Variants in UBASH3B observed in about 807,000 individuals in gnomAD.
UBASH3B encodes the protein ubiquitin-associated and SH3 domain-containing protein B.
In UBASH3B, 37 loss-of-function variants were observed where a neutral mutation model predicts 83.4. The ratio of observed to expected loss-of-function variants is 0.44; its 90% CI spans 0.34 to 0.58. The LOEUF (loss-of-function observed/expected upper bound fraction) is 0.58. Among genes scored for constraint, UBASH3B ranks in the 20% least tolerant of loss-of-function variants. The pLI is 0.01. For missense variants in UBASH3B, 657 were observed against 827.2 expected (o/e 0.79, Z 2.52); for synonymous variants, 304 against 318.3 (o/e 0.96, Z 0.48).
intron 1 of UBASH3B, among the ~76,000 whole-genome samples, chr11:122,770,935 T>G (rs1860631125): frequency 6.6e-6 from 1 of 152,216 alleles, no homozygotes; most frequent in South Asian, 2.1e-4. Context: ...CTGAAATGTA[T>G]CCTTCAATGC....
intron 1 of UBASH3B, among the ~76,000 whole-genome samples, chr11:122,673,789 G>A (rs1284739036): frequency 6.6e-6 from 1 of 152,192 alleles, no homozygotes; most frequent in African/African-American, 2.4e-5. Flanking sequence ...CTCTGGAATT[G>A]CTCTTTCTGC....
intron 1 of UBASH3B, among the ~76,000 whole-genome samples, chr11:122,672,988 AGGGGAT>A (rs1863619405): frequency 6.6e-6 from 1 of 152,126 alleles, no homozygotes; most frequent in Non-Finnish European, 1.5e-5. Context: ...CCCAGGGCTG[AGGGGAT>A]GTGCAGTGAT....
chr11:122,697,673 T>C (rs1348775307), intron 1 of UBASH3B, among the ~76,000 whole-genome samples: 1 of 152,196 alleles, frequency 6.6e-6, no homozygotes, highest in Non-Finnish European at 1.5e-5. Context: ...ATGTGAATTG[T>C]TTATTTGCTG....
At chr11:122,724,278 C>T (rs1380210416) in intron 1 of UBASH3B, among the ~76,000 whole-genome samples, 1 of 152,198 alleles carries the variant, frequency 6.6e-6, no homozygotes, top group East Asian at 1.9e-4. Context: ...CCTACTTCTT[C>T]AGGTTTTGGC....
intron 1 of UBASH3B, among the ~76,000 whole-genome samples, chr11:122,720,942 A>C (rs1328981672): frequency 6.6e-6 from 1 of 151,924 alleles, no homozygotes; most frequent in Non-Finnish European, 1.5e-5. Context: ...CACATAGTAG[A>C]TGTTAAAAGA....
chr11:122,692,074 T>C (rs752764011), intron 1 of UBASH3B, among the ~76,000 whole-genome samples: 4 of 152,106 alleles, frequency 2.6e-5, no homozygotes. Context: ...CTTGGACAAG[T>C]GATTTAATCT....
intron 1 of UBASH3B, among the ~76,000 whole-genome samples, chr11:122,748,552 G>T (rs766022575): frequency 3.7e-4 from 57 of 152,144 alleles, no homozygotes; most frequent in Non-Finnish European, 2.1e-4. Flanking sequence ...TTTAGGTTGG[G>T]CTAAATAATT....
chr11:122,801,482 A>G, intron 11 of UBASH3B, 150 bp downstream of exon 11: 1 of 973,202 alleles, frequency 1.0e-6, no homozygotes, highest in South Asian at 1.9e-5. Context: ...TTTAGAAATC[A>G]AAACTGGAGA....
At chr11:122,751,531 C>G (rs573026153) in intron 1 of UBASH3B, among the ~76,000 whole-genome samples, 1 of 152,350 alleles carries the variant, frequency 6.6e-6, no homozygotes, top group African/African-American at 2.4e-5. Context: ...TCCAGCCTAC[C>G]CTATAATTAG....
intron 3 of UBASH3B, among the ~76,000 whole-genome samples, chr11:122,778,949 T>A (rs1407890895): frequency 6.6e-6 from 1 of 152,188 alleles, no homozygotes; most frequent in Non-Finnish European, 1.5e-5. Context: ...TTATGGCGTA[T>A]AACATGATGG....
At chr11:122,672,134 T>C (rs1388115126) in intron 1 of UBASH3B, among the ~76,000 whole-genome samples, 2 of 151,880 alleles carry the variant, frequency 1.3e-5, no homozygotes, top group Admixed American at 6.6e-5. Flanking sequence ...GTCAGGCACC[T>C]GGGAATTGTG....
chr11:122,683,614 A>ATAAT (rs59877386), intron 1 of UBASH3B, among the ~76,000 whole-genome samples: 1 of 148,626 alleles, frequency 6.7e-6, no homozygotes, highest in African/African-American at 2.5e-5. Flanking sequence ...CAAAAAAAAA[A>ATAAT]AAAAATAATA....
chr11:122,753,320 G>A (rs999795828), intron 1 of UBASH3B, among the ~76,000 whole-genome samples: 11 of 151,378 alleles, frequency 7.3e-5, no homozygotes, highest in Middle Eastern at 3.2e-3. Flanking sequence ...GTGTGGTTTC[G>A]TGTGCCTGTA....
chr11:122,789,168 C>A lies in UBASH3B; in HGVS notation c.840C>A (p.Phe280Leu). The change falls in exon 6 of 14, where the codon TTC (phenylalanine) becomes TTA (leucine). Residue 280 changes from phenylalanine to leucine, a missense_variant. This residue lies in a region of UBASH3B where 573 missense variants were observed against 739.0 expected (regional missense o/e 0.78). Transcript: ENST00000284273. Reference sequence around the variant, plus strand: ...AGCTGGAGCTGGTCCCCGGGGACTTCATCTTCATGTCTCCAATGGAGCAGA... The same window carrying A: ...AGCTGGAGCTGGTCCCCGGGGACTTAATCTTCATGTCTCCAATGGAGCAGA... Reference protein sequence around the residue: ...DDELELVPGDFIFMSPMEQTS... With the variant: ...DDELELVPGDLIFMSPMEQTS... 1 of 1,614,156 alleles carries A rather than the reference C, an allele frequency of 6.2e-7. No homozygotes were observed. The highest frequency in any genetic ancestry group is 8.5e-7 in the Non-Finnish European group (1 of 1,180,026).
chr11:122,673,436 C>G (rs533473075), intron 1 of UBASH3B, among the ~76,000 whole-genome samples: 1 of 152,288 alleles, frequency 6.6e-6, no homozygotes, highest in East Asian at 1.9e-4. Context: ...ATCACAAGGT[C>G]AGGAGATCGA....
At chr11:122,786,441 G>A (rs1860954745) in intron 5 of UBASH3B, among the ~76,000 whole-genome samples, 1 of 152,080 alleles carries the variant, frequency 6.6e-6, no homozygotes, top group South Asian at 2.1e-4. Context: ...CAGATCACCT[G>A]AGGTGAGGAG....
At chr11:122,673,835 CATG>C (rs1384456560) in intron 1 of UBASH3B, among the ~76,000 whole-genome samples, 1 of 152,192 alleles carries the variant, frequency 6.6e-6, no homozygotes, top group Non-Finnish European at 1.5e-5. Context: ...AAAAGAAGAT[CATG>C]ATGAAGAAGG....
At chr11:122,735,956 A>G (rs1057402479) in intron 1 of UBASH3B, among the ~76,000 whole-genome samples, 5 of 152,178 alleles carry the variant, frequency 3.3e-5, no homozygotes, top group African/African-American at 1.2e-4. Context: ...CAGAGGTAAT[A>G]TGGTTACATC....
In UBASH3B at chr11:122,814,445, G is replaced by A. The variant is rs564161428; in HGVS notation, c.*4559G>A. 1.3e-5 allele frequency: 2 copies of A among 152,554 alleles called. No homozygotes were observed. Among genetic ancestry groups the A allele is most frequent in the African/African-American group, 4.8e-5 (2 of 41,422 alleles). 9.5% of individuals were successfully genotyped at this position (152,554 alleles called of 1,614,324 possible). A position where few individuals can be genotyped will look rare whatever the true frequency, so the allele number is the denominator to read the frequency against. On this transcript the variant is annotated 3_prime_UTR_variant, in exon 14 of 14. Transcript: ENST00000284273. ...CATCTCCATTAAATGGTTCATAGATGATTTAATAAAAAGAAACTTCTCAGT... is the reference window on the plus strand; with the variant it reads ...CATCTCCATTAAATGGTTCATAGATAATTTAATAAAAAGAAACTTCTCAGT...
Sources: allele counts gnomAD v4.1 joint callset (sites outside exome capture counted in the v4.1 genomes callset), GRCh38; gene constraint gnomAD v4.1.1; regional missense constraint gnomAD v4.1.1; transcripts MANE v1.5; gene names NCBI Gene and HGNC (gene_info 2026-07-23, HGNC 2026-07-21).